The following GFI1B variants were observed in gnomAD, a reference collection of about 807,000 sequenced individuals.
GFI1B encodes the protein growth factor independent 1B transcriptional repressor, also known as zinc finger protein Gfi-1b.
In GFI1B, 20 loss-of-function variants were observed where a neutral mutation model predicts 35.3. That is an observed-to-expected ratio of 0.57 (90% CI 0.40 to 0.82). The LOEUF (loss-of-function observed/expected upper bound fraction) is 0.82. Among genes scored for constraint, GFI1B ranks in the 40% least tolerant of loss-of-function variants. The pLI, the probability that GFI1B is intolerant of heterozygous loss-of-function variation, is 0.00. For synonymous variants in GFI1B, 178 were observed against 177.6 expected, an observed-to-expected ratio of 1.00 and a Z score of -0.02; for missense variants, 430 against 446.3, an observed-to-expected ratio of 0.96 and a Z score of 0.33.
intron 1 of GFI1B, among the ~76,000 whole-genome samples, chr9:132,984,391 C>T (rs924696859): frequency 1.3e-5 from 2 of 152,294 alleles, no homozygotes; most frequent in African/African-American, 4.8e-5. Flanking sequence ...AGGCCGTGGG[C>T]TGCCCCCGGC....
intron 1 of GFI1B, among the ~76,000 whole-genome samples, chr9:132,969,942 G>A (rs984279334): frequency 6.6e-6 from 1 of 152,112 alleles, no homozygotes; most frequent in Non-Finnish European, 1.5e-5. Context: ...GAAGGCGGCC[G>A]GTACATGCAA....
chr9:132,990,772 A>C (rs1849266210), intron 6 of GFI1B, 100 bp from the exon 7 acceptor site: 2 of 966,008 alleles, frequency 2.1e-6, no homozygotes, highest in Non-Finnish European at 3.3e-6. Context: ...AAACACAGGA[A>C]GGTATTGGAA....
At chr9:132,971,984 A>AAG (rs1554825791) in intron 1 of GFI1B, among the ~76,000 whole-genome samples, 6 of 148,402 alleles carry the variant, frequency 4.0e-5, no homozygotes, top group Admixed American at 2.7e-4. Flanking sequence ...AAAAAAAAAA[A>AAG]AAAAATTGGG....
intron 1 of GFI1B, among the ~76,000 whole-genome samples, chr9:132,950,478 C>G (rs1351141913): frequency 6.6e-6 from 1 of 151,380 alleles, no homozygotes; most frequent in Admixed American, 6.6e-5. Flanking sequence ...TAAGAGGGCC[C>G]TTGAAACCTC....
chr9:132,950,356 T>C (rs1290509884), intron 1 of GFI1B, among the ~76,000 whole-genome samples: 1 of 151,888 alleles, frequency 6.6e-6, no homozygotes, highest in South Asian at 2.1e-4. Context: ...ACTACCCCTA[T>C]CAAATGCATA....
chr9:132,964,430 C>G lies in GFI1B; in HGVS notation c.-700-8295C>G, dbSNP rs116756047. ...AAAACCCAGTAATGCTAAATTCAAA[C>G]TGAGAATATCAATAGGAACTTGTGA... On this transcript the variant is annotated intron_variant, in intron 1 of 10. Transcript: ENST00000339463. Among the ~76,000 whole-genome samples, 555 of 152,212 alleles carry G rather than the reference C, an allele frequency of 3.6e-3. 3 individuals carry two copies. Among genetic ancestry groups the G allele is most frequent in the African/African-American group, 0.012 (519 of 41,538 alleles).
chr9:132,987,253 T>C (rs371126648), intron 2 of GFI1B, 29 bp from the exon 3 acceptor site: 61 of 1,611,130 alleles, frequency 3.8e-5, no homozygotes, highest in Admixed American at 5.0e-5. Context: ...ACCGTGGCTA[T>C]TGATGCTGAT....
intron 6 of GFI1B, among the ~76,000 whole-genome samples, chr9:132,990,584 G>A (rs559748553): frequency 1.1e-3 from 164 of 152,340 alleles, no homozygotes; most frequent in Non-Finnish European, 2.0e-3. Context: ...TATTAGCTGA[G>A]TGCCTCTTTT....
chr9:132,948,637 C>A (rs1848156180), intron 1 of GFI1B, among the ~76,000 whole-genome samples: 1 of 152,250 alleles, frequency 6.6e-6, no homozygotes, highest in African/African-American at 2.4e-5. Flanking sequence ...TGGTGGGCAA[C>A]CCCCGCAGGA....
At chr9:132,959,898 C>G (rs554851447) in intron 1 of GFI1B, among the ~76,000 whole-genome samples, 2 of 152,332 alleles carry the variant, frequency 1.3e-5, no homozygotes, top group African/African-American at 4.8e-5. Context: ...TAAAGCCCAC[C>G]TCAACCCAGT....
chr9:132,956,031 C>G (rs1848279352), intron 1 of GFI1B, among the ~76,000 whole-genome samples: 1 of 152,130 alleles, frequency 6.6e-6, no homozygotes, highest in Non-Finnish European at 1.5e-5. Context: ...TGAGGCCCAC[C>G]CACATAGTGG....
intron 3 of GFI1B, 64 bp downstream of exon 3, chr9:132,987,483 T>C: frequency 1.9e-6 from 3 of 1,593,670 alleles, no homozygotes; most frequent in Non-Finnish European, 2.6e-6. Context: ...ATGAAGGGAC[T>C]CTTGCAGCAG....
chr9:132,954,724 T>C (rs1209056630), intron 1 of GFI1B, among the ~76,000 whole-genome samples: 2 of 138,478 alleles, frequency 1.4e-5, no homozygotes, highest in Non-Finnish European at 3.1e-5. Flanking sequence ...ATCTGGCCAA[T>C]TTTTTTTTTT....
chr9:132,959,338 G>A (rs1389528401), intron 1 of GFI1B, among the ~76,000 whole-genome samples: 1 of 152,156 alleles, frequency 6.6e-6, no homozygotes, highest in African/African-American at 2.4e-5. Context: ...AGAAGGACAT[G>A]TTTGCTTCCC....
chr9:132,980,141 C>G (rs1040916470), intron 1 of GFI1B, among the ~76,000 whole-genome samples: 11 of 151,388 alleles, frequency 7.3e-5, no homozygotes, highest in Non-Finnish European at 1.5e-4. Flanking sequence ...CATTGGAGAG[C>G]TATACCTGGT....
intron 1 of GFI1B, among the ~76,000 whole-genome samples, chr9:132,985,581 C>T (rs560459113): frequency 2.6e-5 from 4 of 152,274 alleles, no homozygotes; most frequent in South Asian, 2.1e-4. Flanking sequence ...GTGGACAAGG[C>T]GCAGCCGTGC....
intron 2 of GFI1B, among the ~76,000 whole-genome samples, chr9:132,973,683 A>C (rs1848573323): frequency 6.6e-6 from 1 of 152,230 alleles, no homozygotes. Context: ...GAACCATTCC[A>C]GACAAGGGGA....
At chr9:132,982,032 C>T (rs1848842251) in intron 1 of GFI1B, among the ~76,000 whole-genome samples, 3 of 152,288 alleles carry the variant, frequency 2.0e-5, no homozygotes, top group East Asian at 1.9e-4. Flanking sequence ...GGATTACAGG[C>T]GTGAGCCACC....
At chr9:132,990,115 C>T (rs1266397151) in intron 6 of GFI1B, among the ~76,000 whole-genome samples, 1 of 152,262 alleles carries the variant, frequency 6.6e-6, no homozygotes, top group Non-Finnish European at 1.5e-5. Context: ...AAAATCTCAA[C>T]ACTGTTGATC....
Sources: gnomAD v4.1 joint callset for allele counts (sites outside exome capture counted in the v4.1 genomes callset) on GRCh38, gnomAD v4.1.1 for gene constraint, MANE v1.5 for transcripts, NCBI Gene and HGNC (gene_info 2026-07-23, HGNC 2026-07-21) for gene names.